Variants in PRR12 observed in about 807,000 individuals in gnomAD.
PRR12 encodes proline-rich protein 12.
In PRR12, 12 loss-of-function variants were observed where a neutral mutation model predicts 138.0. The ratio of observed to expected loss-of-function variants is 0.09; its 90% CI spans 0.06 to 0.14. The LOEUF (loss-of-function observed/expected upper bound fraction) is 0.14, where lower values mean the gene tolerates loss of function less well. Among genes scored for constraint, PRR12 ranks in the 10% least tolerant of loss-of-function variants. The pLI, the probability that PRR12 is intolerant of heterozygous loss-of-function variation, is 1.00. For missense variants in PRR12, 2,692 were observed against 2,861.3 expected (o/e 0.94, Z 1.35); for synonymous variants, 1,567 against 1,291.7 (o/e 1.21, Z -4.57).
intron 1 of PRR12, 57 bp downstream of exon 1, chr19:49,591,797 C>A: frequency 1.1e-6 from 1 of 935,010 alleles, no homozygotes; most frequent in Non-Finnish European, 1.4e-6. Context: ...CCCAGCCGGG[C>A]CGGGCCGGGC....
At chr19:49,593,491 G>A in intron 2 of PRR12, 52 bp downstream of exon 2, 2 of 800,376 alleles carry the variant, frequency 2.5e-6, no homozygotes, top group South Asian at 1.5e-5. Flanking sequence ...CTCCCCCCGA[G>A]GCAGCTGATT....
intron 5 of PRR12, 25 bp from the exon 6 acceptor site, chr19:49,601,466 G>C (rs1172562259): frequency 7.4e-7 from 1 of 1,350,068 alleles, no homozygotes; most frequent in Non-Finnish European, 1.0e-6. Context: ...ATAACATCCA[G>C]GCCTGATGTC....
At chr19:49,622,309 A>G (rs1039064201) in intron 11 of PRR12, among the ~76,000 whole-genome samples, 4 of 152,146 alleles carry the variant, frequency 2.6e-5, no homozygotes, top group African/African-American at 4.8e-5. Flanking sequence ...GGCCGGGCAC[A>G]GTGGCTCACG....
At chr19:49,605,008 G>C (rs887800404) in intron 6 of PRR12, among the ~76,000 whole-genome samples, 11 of 151,812 alleles carry the variant, frequency 7.2e-5, no homozygotes, top group African/African-American at 2.7e-4. Flanking sequence ...ATCCCACCAT[G>C]GTTGGCTAAA....
In PRR12 at chr19:49,593,366, G is replaced by C; in HGVS notation, c.126G>C (p.Thr42=). ...GCTCCAGGACCTCGCACCCCGAGAC[G>C]GACATCTTACACCGCCAGGCCTATG... is the stretch of plus-strand genomic sequence containing the variant. ...YGSSRTSHPE[T]DILHRQAYAA... is the part of the protein sequence containing the mutation. Residue 42 remains threonine (T), a synonymous_variant, in exon 2 of 14, where the codon ACG becomes ACC. Transcript: ENST00000418929. 2 of 1,610,798 alleles carry C rather than the reference G, an allele frequency of 1.2e-6. No individual in the cohort carries two copies. The highest frequency in any genetic ancestry group is 8.5e-7 in the Non-Finnish European group (1 of 1,178,996).
rs1333286454 is a variant in PRR12 at position 49,614,904 on chromosome 19, A to G, written c.4919A>G (p.Asn1640Ser). ...NYLGYFGDAK[N>S]RYQRLYVKFL... is the part of the protein sequence containing the mutation. Reference sequence around the variant, plus strand: ...TTGGGGTATTTTGGGGATGCAAAAAATCGGTACCAGCGCCTCTATGTAAAG... The same window carrying G: ...TTGGGGTATTTTGGGGATGCAAAAAGTCGGTACCAGCGCCTCTATGTAAAG... The change falls in exon 8 of 14, where the codon AAT becomes AGT. Residue 1640 changes from asparagine to serine, a missense_variant. Transcript: ENST00000418929. The surrounding 1 kb of genome is among the most constrained non-coding windows in gnomAD (Gnocchi z 5.0). 2 of 1,613,992 alleles carry G rather than the reference A, an allele frequency of 1.2e-6. No individual in the cohort carries two copies. The highest frequency in any genetic ancestry group is 1.7e-6 in the Non-Finnish European group (2 of 1,179,884).
rs574722239 is a variant in PRR12, at chr19:49,616,819, C to T, written c.5497+600C>T. 2.6e-5 allele frequency among the ~76,000 whole-genome samples: 4 copies of T among 152,318 alleles called. No individual in the cohort carries two copies. The East Asian group carries it at 5.8e-4, about 22-fold the overall frequency. On this transcript the variant is annotated intron_variant, in intron 9 of 13. Transcript: ENST00000418929. The surrounding 1 kb of genome is among the most constrained non-coding windows in gnomAD (Gnocchi z 4.2). Reference sequence around the variant, plus strand: ...ATGTCTGCCCAGCACACTGCCACATCCTCAGTGCTTATGATGATGTCTGGT... The same window carrying T: ...ATGTCTGCCCAGCACACTGCCACATTCTCAGTGCTTATGATGATGTCTGGT...
In PRR12 at chr19:49,594,047, A is replaced by G. The variant is rs1411137281; in HGVS notation, c.200-407A>G. On this transcript the variant is annotated intron_variant, in intron 2 of 13. Coordinates refer to ENST00000418929, the MANE Select transcript of PRR12 (RefSeq NM_020719.3). This position sits in a 1 kb window ranked among gnomAD's most constrained non-coding sequence, Gnocchi z 5.6. ...CCCACTTAGCTCAATCCTTTCTGAC[A>G]CGTTCTCTGGTCTTTCTTAGACTTC... 5.9e-5 allele frequency among the ~76,000 whole-genome samples: 9 copies of G among 151,606 alleles called. No homozygotes were observed. The highest frequency in any genetic ancestry group is 1.7e-4 in the African/African-American group (7 of 41,200).
chr19:49,597,763 G>A lies in PRR12; in HGVS notation c.3428G>A (p.Cys1143Tyr), dbSNP rs2080784282. ...ALSPLGDIDFCPPNPGPDGPR... is the reference protein window; with the variant it reads ...ALSPLGDIDFYPPNPGPDGPR... The stretch of plus-strand genomic sequence containing the variant: ...TCGCCACTGGGGGACATCGACTTCT[G>A]CCCACCCAACCCAGGACCCGATGGC... Residue 1143 changes from cysteine (C) to tyrosine (Y), a missense_variant, in exon 4 of 14, where the codon TGC becomes TAC. Physicochemically the swap from Cys to Tyr is radical, Grantham distance 194. Transcript: ENST00000418929. This position sits in a 1 kb window ranked among gnomAD's most constrained non-coding sequence, Gnocchi z 6.3. The A allele has an allele frequency of 2.5e-6, 4 of 1,604,318 alleles. No individual in the cohort carries two copies. The highest frequency in any genetic ancestry group is 3.4e-6 in the Non-Finnish European group (4 of 1,176,346).
intron 1 of PRR12, 107 bp from the exon 2 acceptor site, chr19:49,593,220 A>T: frequency 2.2e-5 from 7 of 321,604 alleles, no homozygotes; most frequent in Admixed American, 5.5e-5. Flanking sequence ...AACACCCCCC[A>T]CCCCGGTCAG....
At chr19:49,610,579 G>A (rs1265830876) in intron 6 of PRR12, among the ~76,000 whole-genome samples, 2 of 140,712 alleles carry the variant, frequency 1.4e-5, no homozygotes, top group Non-Finnish European at 3.0e-5. Context: ...GTCTCGCTCT[G>A]TTGCCCAAGC....
At position 49,594,347 on chromosome 19, in the gene PRR12, A is replaced by T; in HGVS notation, c.200-107A>T. The stretch of plus-strand genomic sequence containing the variant: ...TTTTGAATTTGCCCTTTTCTCTCCC[A>T]TCCCCTCCTTTTCCTGATCCAACTT... On this transcript the variant is annotated intron_variant, in intron 2 of 13. Transcript: ENST00000418929. The surrounding 1 kb of genome is among the most constrained non-coding windows in gnomAD (Gnocchi z 5.6). The T allele has an allele frequency of 9.2e-7, 1 of 1,085,228 alleles. No individual in the cohort carries two copies. The highest frequency in any genetic ancestry group is 2.7e-5 in the Admixed American group (1 of 37,014). 67.2% of individuals were successfully genotyped at this position (1,085,228 alleles called of 1,614,324 possible).
At chr19:49,622,617 C>T (rs1487810945) in intron 11 of PRR12, among the ~76,000 whole-genome samples, 1 of 143,726 alleles carries the variant, frequency 7.0e-6, no homozygotes, top group African/African-American at 2.6e-5. Flanking sequence ...ACAGGCCAGG[C>T]GCGGTGGCTC....
intron 2 of PRR12, 145 bp downstream of exon 2, chr19:49,593,584 C>T (rs1476122357): frequency 5.3e-6 from 3 of 567,366 alleles, no homozygotes; most frequent in Non-Finnish European, 9.3e-6. Flanking sequence ...TGATTGGTTG[C>T]CTTTGAGGCT....
intron 6 of PRR12, among the ~76,000 whole-genome samples, chr19:49,611,636 A>G (rs908235223): frequency 6.0e-5 from 9 of 151,222 alleles, no homozygotes; most frequent in Admixed American, 2.0e-4. Context: ...TCTAAAAAAA[A>G]AAAAAGGCCG....
In PRR12 at chr19:49,595,671, G is replaced by T. The variant is rs767028330; in HGVS notation, c.1336G>T (p.Gly446Cys). Residue 446 changes from glycine to cysteine, a missense_variant, in exon 4 of 14, where the codon GGT becomes TGT. Transcript: ENST00000418929. ...GGCAGGGGGCCAGGCTTATTCCCCC[G>T]GTCAGCCTCAAGGGCTTCTGGGACC... is the stretch of plus-strand genomic sequence containing the variant. Reference protein sequence around the residue: ...GGAGGQAYSPGQPQGLLGPQA... With the variant: ...GGAGGQAYSPCQPQGLLGPQA... 1.0e-5 allele frequency: 16 copies of T among 1,598,656 alleles called. No homozygotes were observed. Among genetic ancestry groups the T allele is most frequent in the Non-Finnish European group, 1.4e-5 (16 of 1,173,336 alleles).
At chr19:49,608,076 A>G (rs1230070384) in intron 6 of PRR12, among the ~76,000 whole-genome samples, 1 of 152,178 alleles carries the variant, frequency 6.6e-6, no homozygotes, top group Non-Finnish European at 1.5e-5. Context: ...ATGGGGTATT[A>G]CTAAAATGAA....
chr19:49,619,236 T>G (rs1390351435), intron 9 of PRR12, among the ~76,000 whole-genome samples: 1 of 144,852 alleles, frequency 6.9e-6, no homozygotes, highest in Non-Finnish European at 1.5e-5. Flanking sequence ...TTTTTTTTTT[T>G]TTTTTTTTTT....
At chr19:49,605,532 G>A (rs1433848802) in intron 6 of PRR12, among the ~76,000 whole-genome samples, 7 of 152,338 alleles carry the variant, frequency 4.6e-5, no homozygotes, top group Middle Eastern at 3.4e-3. Context: ...AAAGTGCTGG[G>A]ATTATAGGCA....
Sources: allele counts gnomAD v4.1 joint callset (sites outside exome capture counted in the v4.1 genomes callset), GRCh38; gene constraint gnomAD v4.1.1; non-coding constraint Gnocchi (gnomAD v3.1); transcripts MANE v1.5; gene names NCBI Gene and HGNC (gene_info 2026-07-23, HGNC 2026-07-21).